ECT2: variants seen among roughly 807,000 people sequenced by gnomAD.
ECT2 encodes protein ECT2.
A neutral mutation model predicts 116.9 loss-of-function variants in ECT2; 61 were observed. The observed-to-expected ratio is 0.52, with a 90% CI of 0.42 to 0.65. The LOEUF (loss-of-function observed/expected upper bound fraction) is 0.65, where lower values mean the gene tolerates loss of function less well. ECT2 is among the 30% of genes least tolerant of loss of function. ECT2 has a pLI of 0.00. For missense variants in ECT2, 937 were observed against 1,078.7 expected, an observed-to-expected ratio of 0.87 and a Z score of 1.84; for synonymous variants, 358 against 346.4, an observed-to-expected ratio of 1.03 and a Z score of -0.37.
At chr3:172,756,265 A>G (rs1560240889) in intron 4 of ECT2, among the ~76,000 whole-genome samples, 1 of 152,194 alleles carries the variant, frequency 6.6e-6, no homozygotes, top group Non-Finnish European at 1.5e-5. Flanking sequence ...ATAAAATTCA[A>G]ATAATTTACT....
chr3:172,812,779 A>G (rs1729004972), intron 22 of ECT2, among the ~76,000 whole-genome samples: 1 of 152,170 alleles, frequency 6.6e-6, no homozygotes, highest in South Asian at 2.1e-4. Flanking sequence ...TTATGGACAT[A>G]AGAAATTCTA....
chr3:172,812,963 C>G (rs898393654), intron 22 of ECT2, among the ~76,000 whole-genome samples: 2 of 151,984 alleles, frequency 1.3e-5, no homozygotes, highest in African/African-American at 4.8e-5. Context: ...TATAGGAAAT[C>G]CTAGTAGTGT....
the ECT2 span, among the ~76,000 whole-genome samples, chr3:172,827,859 A>G: frequency 0.068 from 10,421 of 152,250 alleles, 1,213 homozygotes; most frequent in African/African-American, 0.24. Context: ...ACATCAATCA[A>G]AGCTGACCAT....
chr3:172,759,767 A>G (rs1717857665), intron 6 of ECT2, among the ~76,000 whole-genome samples: 1 of 152,138 alleles, frequency 6.6e-6, no homozygotes, highest in South Asian at 2.1e-4. Flanking sequence ...TTTGGTTCAC[A>G]ATACTTTGTT....
chr3:172,824,615 C>T (rs1296552570), downstream of ECT2, among the ~76,000 whole-genome samples: 1 of 152,216 alleles, frequency 6.6e-6, no homozygotes, highest in Non-Finnish European at 1.5e-5. Context: ...TTTTCTCTCC[C>T]CTTCTTACAG....
intron 1 of ECT2, 126 bp downstream of exon 1, chr3:172,750,983 C>T (rs1715654129): frequency 6.6e-6 from 1 of 152,348 alleles, no homozygotes; most frequent in Admixed American, 6.5e-5. Flanking sequence ...CCAGCTCAGG[C>T]TTCCCGGATC....
rs867026509 is a variant in ECT2, at chr3:172,821,459, C to T, written c.*1222C>T. ...TAGTAAGAACTTTGTAAATAAATACCTAAAACCCAAGTGTATTTTATGTCT... is the reference window on the plus strand; with the variant it reads ...TAGTAAGAACTTTGTAAATAAATACTTAAAACCCAAGTGTATTTTATGTCT... On this transcript the variant is annotated 3_prime_UTR_variant, in exon 25 of 25. Coordinates refer to ENST00000392692, the MANE Select transcript of ECT2 (RefSeq NM_001258315.2). 1 of 151,782 alleles carries T rather than the reference C, an allele frequency of 6.6e-6. No individual in the cohort carries two copies. The highest frequency in any genetic ancestry group is 2.1e-4 in the South Asian group (1 of 4,824). 9.4% of individuals were successfully genotyped at this position (151,782 alleles called of 1,614,324 possible).
chr3:172,812,532 C>G (rs1728956979), intron 22 of ECT2, among the ~76,000 whole-genome samples: 1 of 151,828 alleles, frequency 6.6e-6, no homozygotes, highest in Non-Finnish European at 1.5e-5. Flanking sequence ...TTGAAAGGAG[C>G]ATTGATAAGT....
intron 1 of ECT2, among the ~76,000 whole-genome samples, chr3:172,752,975 T>C (rs545230352): frequency 7.9e-5 from 12 of 152,086 alleles, no homozygotes; most frequent in Admixed American, 4.6e-4. Flanking sequence ...TCTGAAGAAG[T>C]AGGAAAGGGG....
rs1454925851 is a variant in ECT2 at position 172,786,593 on chromosome 3, A to T, written c.1907+19A>T. The T allele has an allele frequency of 6.6e-7, 1 of 1,516,262 alleles. No individual in the cohort carries two copies. Among genetic ancestry groups the T allele is most frequent in the Non-Finnish European group, 9.1e-7 (1 of 1,099,480 alleles). The allele number at this position is 1,516,262 out of a possible 1,614,324, so 93.9% of individuals were successfully genotyped here. A position where few individuals can be genotyped will look rare whatever the true frequency, so the allele number is the denominator to read the frequency against. On this transcript the variant is annotated intron_variant, in intron 18 of 24. Transcript: ENST00000392692. ...TAATGACGTAAGTGCATTATTTTCA[A>T]TTTTTGATTGTGCCTTAGATTTCGA...
downstream of ECT2, among the ~76,000 whole-genome samples, chr3:172,825,752 T>C (rs1730824921): frequency 6.6e-6 from 1 of 152,154 alleles, no homozygotes; most frequent in Non-Finnish European, 1.5e-5. Flanking sequence ...AAAAGTGCAA[T>C]GTGAAGCAGC....
At chr3:172,806,889 C>G (rs1395464617) in intron 21 of ECT2, among the ~76,000 whole-genome samples, 1 of 151,972 alleles carries the variant, frequency 6.6e-6, no homozygotes, top group Non-Finnish European at 1.5e-5. Flanking sequence ...GTGATCCACC[C>G]ACTTCGGCCT....
chr3:172,815,465 G>T (rs1729512981), intron 22 of ECT2, 139 bp from the exon 23 acceptor site: 1 of 565,900 alleles, frequency 1.8e-6, no homozygotes, highest in Non-Finnish European at 3.1e-6. Context: ...ACATTTCAGG[G>T]TAGAAGTTAT....
chr3:172,816,651 G>T, intron 23 of ECT2, 40 bp from the exon 24 acceptor site: 1 of 1,520,832 alleles, frequency 6.6e-7, no homozygotes. Context: ...CAGCTGTATT[G>T]AATTTGTCTA....
rs35674521 is a variant in ECT2, at chr3:172,795,323, CAAAAAA to C, written c.1908-7277_1908-7272del. Among the ~76,000 whole-genome samples the C allele has an allele frequency of 7.7e-5, 8 of 104,412 alleles. No homozygotes were observed. In the South Asian group the frequency reaches 2.2e-3, roughly 28 times the overall value. The allele number at this position is 104,412 out of a possible 152,430, so 68.5% of individuals were successfully genotyped here. On this transcript the variant is annotated intron_variant, in intron 18 of 24. Transcript: ENST00000392692. ...CCTGGGTGACAGAGTGAGACGCTAT[CAAAAAA>C]AAAAAAAAAAAAAAATTTTCAAAAT...
intron 18 of ECT2, among the ~76,000 whole-genome samples, chr3:172,791,377 C>T (rs923787478): frequency 6.6e-6 from 1 of 152,198 alleles, no homozygotes; most frequent in Non-Finnish European, 1.5e-5. Flanking sequence ...ATTGACTTCT[C>T]TCTAGCTGTG....
At chr3:172,797,553 T>C (rs563315826) in intron 18 of ECT2, among the ~76,000 whole-genome samples, 13 of 152,352 alleles carry the variant, frequency 8.5e-5, no homozygotes, top group African/African-American at 3.1e-4. Flanking sequence ...CTTGTGGCTT[T>C]TCATGATGTG....
In ECT2 at chr3:172,764,461, G is replaced by A. The variant is rs370288307; in HGVS notation, c.1252G>A (p.Asp418Asn). Residue 418 changes from aspartate to asparagine, a missense_variant, in exon 12 of 25, where the codon GAT becomes AAT. By Grantham distance (23) the Asp-to-Asn change is conservative (BLOSUM62 1). Transcript: ENST00000392692. ...TTCCCTTTCCATAGGGTCACTCCTA[G>A]ATATCTCCAACACACCAGAGTCTAG... is the stretch of plus-strand genomic sequence containing the variant. The part of the protein sequence containing the change: ...EHSLSIGSLL[D>N]ISNTPESSIN... 9.3e-6 allele frequency: 15 copies of A among 1,613,958 alleles called. No individual in the cohort carries two copies. Among genetic ancestry groups the A allele is most frequent in the Non-Finnish European group, 1.3e-5 (15 of 1,179,990 alleles).
chr3:172,760,041 C>T (rs1478315511), intron 6 of ECT2, 115 bp from the exon 7 acceptor site: 17 of 553,346 alleles, frequency 3.1e-5, no homozygotes, highest in Non-Finnish European at 4.8e-5. Flanking sequence ...ATAAAAATCC[C>T]GTATGTATTT....
Sources: allele counts gnomAD v4.1 joint callset (sites outside exome capture counted in the v4.1 genomes callset), GRCh38; gene constraint gnomAD v4.1.1; transcripts MANE v1.5; gene names NCBI Gene and HGNC (gene_info 2026-07-23, HGNC 2026-07-21).